TENM3: variants seen among roughly 807,000 people sequenced by gnomAD.
TENM3 encodes teneurin transmembrane protein 3.
Under a neutral mutation model 255.1 loss-of-function variants are expected in TENM3, and 63 were observed. The observed-to-expected ratio is 0.25, with a 90% CI of 0.20 to 0.30. The LOEUF (loss-of-function observed/expected upper bound fraction) is 0.30, where lower values mean the gene tolerates loss of function less well. Ranked by LOEUF, TENM3 falls within the 10% of genes least tolerant of loss-of-function variation. TENM3 has a pLI of 1.00. For missense variants in TENM3, 2,929 were observed against 3,461.1 expected, an observed-to-expected ratio of 0.85 and a Z score of 3.86; for synonymous variants, 1,306 against 1,322.3, an observed-to-expected ratio of 0.99 and a Z score of 0.27.
the TENM3 span, among the ~76,000 whole-genome samples, chr4:181,630,226 C>G: frequency 1.3e-5 from 2 of 152,146 alleles, no homozygotes; most frequent in East Asian, 3.9e-4. Flanking sequence ...ATTCTTCTCT[C>G]TTTACATCTT....
At chr4:181,698,220 A>G in the TENM3 span, among the ~76,000 whole-genome samples, 13 of 151,920 alleles carry the variant, frequency 8.6e-5, no homozygotes, top group African/African-American at 3.1e-4. Context: ...TCTCAAAAAA[A>G]AAAAAAAAAA....
upstream of TENM3, among the ~76,000 whole-genome samples, chr4:182,240,282 C>T (rs953442185): frequency 1.3e-5 from 2 of 152,120 alleles, no homozygotes; most frequent in Admixed American, 6.5e-5. Context: ...TTGTCATGGA[C>T]GTCCACTGAG....
chr4:182,508,814 G>C (rs938700959), intron 3 of TENM3, among the ~76,000 whole-genome samples: 2 of 152,266 alleles, frequency 1.3e-5, no homozygotes. Context: ...CTGTGTTCTT[G>C]TATTGGTTTC....
At chr4:181,806,210 A>G in the TENM3 span, among the ~76,000 whole-genome samples, 3 of 152,196 alleles carry the variant, frequency 2.0e-5, no homozygotes, top group African/African-American at 7.2e-5. Context: ...GAGCCCAGAA[A>G]TTCCTATACC....
At chr4:182,633,470 TG>T (rs1333425927) in intron 5 of TENM3, among the ~76,000 whole-genome samples, 1 of 152,222 alleles carries the variant, frequency 6.6e-6, no homozygotes, top group Admixed American at 6.5e-5. Context: ...ACCTACGTTT[TG>T]CTGTAGATTT....
At chr4:182,731,786 CTT>C (rs574747801) in intron 16 of TENM3, among the ~76,000 whole-genome samples, 2 of 127,720 alleles carry the variant, frequency 1.6e-5, no homozygotes, top group African/African-American at 2.8e-5. Flanking sequence ...TTTCTTTTTT[CTT>C]TTTTTTTTTT....
the TENM3 span, among the ~76,000 whole-genome samples, chr4:181,797,743 G>A: frequency 6.6e-6 from 1 of 152,148 alleles, no homozygotes; most frequent in Non-Finnish European, 1.5e-5. Context: ...ACTAAAAACT[G>A]GATGAAAATA....
the TENM3 span, among the ~76,000 whole-genome samples, chr4:181,482,415 A>G: frequency 2.1e-3 from 317 of 152,250 alleles, 3 homozygotes; most frequent in South Asian, 0.031. Flanking sequence ...TGTAATCTAC[A>G]CACTTATTTT....
intron 12 of TENM3, among the ~76,000 whole-genome samples, chr4:182,698,460 C>T (rs1481244605): frequency 2.0e-5 from 3 of 152,202 alleles, no homozygotes; most frequent in Non-Finnish European, 2.9e-5. Flanking sequence ...AACTGCAACT[C>T]AGTTTACAGA....
At chr4:181,490,648 G>A in the TENM3 span, among the ~76,000 whole-genome samples, 2 of 152,058 alleles carry the variant, frequency 1.3e-5, no homozygotes, top group East Asian at 1.9e-4. Context: ...GCTGATATTC[G>A]TCATGAGTAC....
In TENM3 at chr4:182,195,512, C is replaced by T. The variant is rs112289275; in HGVS notation, c.-76+50758C>T. On this transcript the variant is annotated intron_variant, in intron 1 of 2. Transcript: ENST00000512480. ...AAAATTAGCTGAGCATGGTGGTGCA[C>T]GCCTGTGGTCCCAGCTGCTCTGGAG... 5.9e-5 allele frequency among the ~76,000 whole-genome samples: 9 copies of T among 152,138 alleles called. No individual in the cohort carries two copies. The South Asian group carries it at 1.2e-3, about 21-fold the overall frequency.
chr4:182,518,537 G>T (rs1738233565), intron 3 of TENM3, among the ~76,000 whole-genome samples: 1 of 152,078 alleles, frequency 6.6e-6, no homozygotes, highest in Admixed American at 6.6e-5. Context: ...ATAGCAAACT[G>T]CTGTGTTATG....
chr4:182,802,363 T>A lies in TENM3; in HGVS notation c.*2012T>A, dbSNP rs969161015. ...TATGAGATTTCAAACCACATAAACATGATTCTGTTTTCCATTTTATTTTTT... is the reference window on the plus strand; with the variant it reads ...TATGAGATTTCAAACCACATAAACAAGATTCTGTTTTCCATTTTATTTTTT... On this transcript the variant is annotated 3_prime_UTR_variant, in exon 28 of 28. Transcript: ENST00000511685. 1 of 152,660 alleles carries A rather than the reference T, an allele frequency of 6.6e-6. No homozygotes were observed. Among genetic ancestry groups the A allele is most frequent in the Non-Finnish European group, 1.5e-5 (1 of 68,030 alleles). The allele number at this position is 152,660 out of a possible 1,614,324, so 9.5% of individuals were successfully genotyped here.
In TENM3 at chr4:182,792,761, T is replaced by C. The variant is rs1236808965; in HGVS notation, c.6089T>C (p.Met2030Thr). 1.2e-6 allele frequency: 2 copies of C among 1,613,982 alleles called. No individual in the cohort carries two copies. Among genetic ancestry groups the C allele is most frequent in the Non-Finnish European group, 8.5e-7 (1 of 1,179,890 alleles). ...GACAACAGCTTTCGAGTGACCAGCATGCAGGGTGTGATCAATGAAACGCCA... is the reference window on the plus strand; with the variant it reads ...GACAACAGCTTTCGAGTGACCAGCACGCAGGGTGTGATCAATGAAACGCCA... ...SYDNSFRVTS[M>T]QGVINETPLP... is the part of the protein sequence containing the mutation. Residue 2030 changes from methionine (M) to threonine (T), a missense_variant, in exon 26 of 28, where the codon ATG (methionine) becomes ACG (threonine). Physicochemically the swap from Met to Thr is moderately conservative, Grantham distance 81. Transcript: ENST00000511685. This position sits in a 1 kb window ranked among gnomAD's most constrained non-coding sequence, Gnocchi z 6.3.
intron 1 of TENM3, among the ~76,000 whole-genome samples, chr4:182,258,279 G>A (rs1758557511): frequency 6.6e-6 from 1 of 152,050 alleles, no homozygotes; most frequent in African/African-American, 2.4e-5. Context: ...TGGTAAACAG[G>A]TTGTTTGCTA....
At chr4:181,693,219 T>C in the TENM3 span, among the ~76,000 whole-genome samples, 1 of 152,224 alleles carries the variant, frequency 6.6e-6, no homozygotes, top group Non-Finnish European at 1.5e-5. Context: ...AAGTGCACTG[T>C]ACTTAAGAAA....
the TENM3 span, among the ~76,000 whole-genome samples, chr4:181,620,628 C>G: frequency 1.3e-5 from 2 of 148,328 alleles, no homozygotes; most frequent in African/African-American, 2.5e-5. Context: ...GCAGGGAAAG[C>G]CTACGTGAGG....
intron 3 of TENM3, among the ~76,000 whole-genome samples, chr4:182,470,164 C>T (rs1303998541): frequency 2.0e-5 from 3 of 152,166 alleles, no homozygotes; most frequent in Non-Finnish European, 4.4e-5. Flanking sequence ...TCTGTTTGTA[C>T]TGTCCTAAGC....
chr4:181,757,484 C>T, the TENM3 span, among the ~76,000 whole-genome samples: 78 of 152,246 alleles, frequency 5.1e-4, 1 homozygote, highest in Non-Finnish European at 9.1e-4. Context: ...TTACCTCTGA[C>T]GAGATCAGAC....
Sources: gnomAD v4.1 joint callset for allele counts (sites outside exome capture counted in the v4.1 genomes callset) on GRCh38, gnomAD v4.1.1 for gene constraint, Gnocchi (gnomAD v3.1) non-coding constraint, MANE v1.5 for transcripts, NCBI Gene and HGNC (gene_info 2026-07-23, HGNC 2026-07-21) for gene names.